UNC93A: variants seen among roughly 807,000 people sequenced by gnomAD.
UNC93A encodes the protein N-acetylglucosamine transporter UNC93A.
UNC93A carries 43 observed loss-of-function variants against 47.5 expected under a neutral mutation model. That is an observed-to-expected ratio of 0.91 (90% confidence interval 0.71 to 1.17). The LOEUF (loss-of-function observed/expected upper bound fraction) is 1.17, where lower values mean the gene tolerates loss of function less well. Among genes scored for constraint, UNC93A ranks in the 50% most tolerant of loss-of-function variants. The probability of loss-of-function intolerance (pLI) is 0.00; values close to 1 mark genes in which losing one functional copy is unlikely to be tolerated. For missense variants in UNC93A, 605 were observed against 577.6 expected (o/e 1.05, Z -0.49); for synonymous variants, 280 against 258.0 (o/e 1.09, Z -0.82).
chr6:167,285,998 A>G (rs76456224), intron 1 of UNC93A, among the ~76,000 whole-genome samples: 4,729 of 147,602 alleles, frequency 0.032, 231 homozygotes, highest in African/African-American at 0.11. Context: ...ACACACAATG[A>G]GCCTATAATA....
At chr6:167,291,053 C>T (rs1269989460), upstream of UNC93A, among the ~76,000 whole-genome samples, 2 of 152,140 alleles carry the variant, frequency 1.3e-5, no homozygotes, top group Non-Finnish European at 2.9e-5. Flanking sequence ...GACTGAAGTC[C>T]TCATTCTGCA....
At chr6:167,311,934 A>G (rs926810700) in intron 7 of UNC93A, among the ~76,000 whole-genome samples, 13 of 152,124 alleles carry the variant, frequency 8.5e-5, no homozygotes, top group African/African-American at 3.1e-4. Context: ...GCCATGTGAC[A>G]GTTAGTGGGG....
chr6:167,298,017 G>T lies in UNC93A; in HGVS notation c.572G>T (p.Ser191Ile). ...CTGATGGCCACCACAACCACCAACA[G>T]CACCCAGAGGCCCTCCCAGCAGCTG... The part of the protein sequence containing the change: ...DCLMATTTTN[S>I]TQRPSQQLVY... Residue 191 changes from serine (S) to isoleucine (I), a missense_variant, in exon 4 of 8, where the codon AGC becomes ATC. Coordinates refer to ENST00000230256, the MANE Select transcript of UNC93A (RefSeq NM_018974.4). 6.2e-7 allele frequency: 1 copy of T among 1,613,938 alleles called. No individual in the cohort carries two copies.
At chr6:167,295,889 TC>T in intron 2 of UNC93A, 142 bp from the exon 3 acceptor site, 1 of 696,722 alleles carries the variant, frequency 1.4e-6, no homozygotes, top group Middle Eastern at 3.1e-4. Flanking sequence ...AATCCATCCA[TC>T]CAACCAGCAA....
intron 1 of UNC93A, among the ~76,000 whole-genome samples, chr6:167,276,058 T>C (rs1358177922): frequency 7.4e-6 from 1 of 134,818 alleles, no homozygotes; most frequent in Non-Finnish European, 1.6e-5. Flanking sequence ...TTTTTTCTTT[T>C]CTTTTCTTTT....
At chr6:167,286,977 CAAAAAAAAAAAAA>C (rs548370859), upstream of UNC93A, among the ~76,000 whole-genome samples, 5 of 109,982 alleles carry the variant, frequency 4.5e-5, no homozygotes, top group East Asian at 5.5e-4. Flanking sequence ...GACTCTGTCT[CAAAAAAAAAAAAA>C]AAAAAAAAAA....
chr6:167,305,829 A>AT, intron 5 of UNC93A, 86 bp from the exon 6 acceptor site: 1 of 1,585,986 alleles, frequency 6.3e-7, no homozygotes, highest in African/African-American at 1.3e-5. Context: ...CTCAGAGCAG[A>AT]TGTTCTAAGC....
At chr6:167,292,489 G>A (rs2115112306) in intron 1 of UNC93A, among the ~76,000 whole-genome samples, 1 of 152,292 alleles carries the variant, frequency 6.6e-6, no homozygotes, top group South Asian at 2.1e-4. Flanking sequence ...GGACTCCTGG[G>A]TTGCCAAGGA....
rs146809097 is a variant in UNC93A at position 167,276,925 on chromosome 6, C to T, written c.-52+5467C>T. Among the ~76,000 whole-genome samples, 329 of 152,340 alleles carry T rather than the reference C, an allele frequency of 2.2e-3. 4 individuals carry two copies. Among genetic ancestry groups the T allele is most frequent in the African/African-American group, 7.6e-3 (317 of 41,568 alleles). ...GTCCCCGGGGTGTACCTGCAGCCCACGCTGGCTGTCTTTGCTGTTCTGTGC... is the reference window on the plus strand; with the variant it reads ...GTCCCCGGGGTGTACCTGCAGCCCATGCTGGCTGTCTTTGCTGTTCTGTGC... On this transcript the variant is annotated intron_variant, in intron 1 of 3. Transcript: ENST00000503433.
intron 7 of UNC93A, among the ~76,000 whole-genome samples, chr6:167,308,186 C>A (rs2115172890): frequency 6.6e-6 from 1 of 152,284 alleles, no homozygotes; most frequent in African/African-American, 2.4e-5. Context: ...TCAAGTCGCC[C>A]ATTCGAGCTG....
intron 2 of UNC93A, among the ~76,000 whole-genome samples, chr6:167,295,674 CCTCGTGCTCCTCGCCTG>C (rs1778058503): frequency 1.1e-4 from 14 of 127,016 alleles, no homozygotes; most frequent in South Asian, 2.7e-4. Flanking sequence ...TCCTCGCCTG[CCTCGTGCTCCTCGCCTG>C]CCTCGTGCTC....
intron 1 of UNC93A, among the ~76,000 whole-genome samples, chr6:167,279,101 A>G (rs1038328028): frequency 3.3e-5 from 5 of 152,250 alleles, no homozygotes; most frequent in African/African-American, 1.2e-4. Context: ...AGAGTGGTAC[A>G]AATTCACTAG....
At position 167,307,874 on chromosome 6, in the gene UNC93A, G is replaced by C. The variant is rs757369687; in HGVS notation, c.1072G>C (p.Gly358Arg). Reference sequence around the variant, plus strand: ...GTTCTTCGTATTCTCTGGCCTGTGGGGCGTGGCAGATGCCGTCTGGCAGAC... The same window carrying C: ...GTTCTTCGTATTCTCTGGCCTGTGGCGCGTGGCAGATGCCGTCTGGCAGAC... ...AVFFVFSGLWGVADAVWQTQN... is the reference protein window; with the variant it reads ...AVFFVFSGLWRVADAVWQTQN... The change falls in exon 7 of 8, where the codon GGC becomes CGC. Residue 358 changes from glycine (G) to arginine (R), a missense_variant. By Grantham distance (125) the Gly-to-Arg change is moderately radical (BLOSUM62 -2). Transcript: ENST00000230256. The C allele has an allele frequency of 6.2e-7, 1 of 1,614,036 alleles. No individual in the cohort carries two copies. The highest frequency in any genetic ancestry group is 1.1e-5 in the South Asian group (1 of 91,088).
At chr6:167,308,316 G>A (rs1303262842) in intron 7 of UNC93A, among the ~76,000 whole-genome samples, 1 of 152,188 alleles carries the variant, frequency 6.6e-6, no homozygotes, top group Non-Finnish European at 1.5e-5. Flanking sequence ...TAAACATGCA[G>A]AGCCTTCCAA....
intron 4 of UNC93A, among the ~76,000 whole-genome samples, chr6:167,299,378 C>G (rs1307316370): frequency 1.3e-5 from 2 of 152,060 alleles, no homozygotes; most frequent in African/African-American, 2.4e-5. Context: ...AGAGCTTTTC[C>G]TCATGCTGAG....
At chr6:167,310,108 C>T (rs1256071386) in intron 7 of UNC93A, among the ~76,000 whole-genome samples, 1 of 152,238 alleles carries the variant, frequency 6.6e-6, no homozygotes, top group Non-Finnish European at 1.5e-5. Context: ...CAATAAGCAT[C>T]AAACAGTATT....
At chr6:167,287,845 G>C (rs532249682), upstream of UNC93A, among the ~76,000 whole-genome samples, 168 of 152,108 alleles carry the variant, frequency 1.1e-3, 2 homozygotes, top group Admixed American at 2.0e-3. Context: ...CTCCGCACTC[G>C]GGCTCACCTA....
At chr6:167,282,171 A>G (rs1361877517) in intron 1 of UNC93A, among the ~76,000 whole-genome samples, 1 of 152,156 alleles carries the variant, frequency 6.6e-6, no homozygotes, top group Non-Finnish European at 1.5e-5. Flanking sequence ...AGGGTGATGT[A>G]GAGCTGGGGG....
chr6:167,294,843 C>A, intron 2 of UNC93A, 145 bp downstream of exon 2: 2 of 905,378 alleles, frequency 2.2e-6, no homozygotes, highest in African/African-American at 1.7e-5. Context: ...GCACCCCCGC[C>A]TCGCTTTGGT....
Sources: allele counts gnomAD v4.1 joint callset (sites outside exome capture counted in the v4.1 genomes callset), GRCh38; gene constraint gnomAD v4.1.1; transcripts MANE v1.5; gene names NCBI Gene and HGNC (gene_info 2026-07-23, HGNC 2026-07-21).